Variants in MINDY3 observed in about 807,000 individuals in gnomAD.
MINDY3 encodes ubiquitin carboxyl-terminal hydrolase MINDY-3.
Under a neutral mutation model 69.2 loss-of-function variants are expected in MINDY3, and 38 were observed. The ratio of observed to expected loss-of-function variants is 0.55; its 90% CI spans 0.42 to 0.72. MINDY3 has a LOEUF of 0.72. Among genes scored for constraint, MINDY3 ranks in the 30% least tolerant of loss-of-function variants. The pLI is 0.00. For missense variants in MINDY3, 522 were observed against 519.0 expected, an observed-to-expected ratio of 1.01 and a Z score of -0.06; for synonymous variants, 192 against 180.1, an observed-to-expected ratio of 1.07 and a Z score of -0.53.
At chr10:15,814,753 C>T (rs965352520) in intron 10 of MINDY3, among the ~76,000 whole-genome samples, 14 of 152,040 alleles carry the variant, frequency 9.2e-5, no homozygotes, top group Non-Finnish European at 1.6e-4. Flanking sequence ...TTGACACATG[C>T]GACAGCACAA....
chr10:15,806,162 A>C (rs1838624808), intron 10 of MINDY3, among the ~76,000 whole-genome samples: 1 of 151,922 alleles, frequency 6.6e-6, no homozygotes, highest in Non-Finnish European at 1.5e-5. Flanking sequence ...TTAAAACCTA[A>C]TATTCTGGCT....
At chr10:15,782,261 T>TGCCTG (rs1205866471) in intron 13 of MINDY3, 35 bp from the exon 14 acceptor site, 1 of 1,362,718 alleles carries the variant, frequency 7.3e-7, no homozygotes, top group African/African-American at 1.5e-5. Flanking sequence ...CACTTTAAAT[T>TGCCTG]ATATTTATAT....
chr10:15,816,835 C>G lies in MINDY3; in HGVS notation c.882G>C (p.Lys294Asn), dbSNP rs925603199. ...AAAAAAAATCCTGCTATAAGCATAC[C>G]TTGGCAAAAAATACGGTGAGGTGAG... ...SETHLTVFFA[K>N]DMALVAPEAP... The change falls in exon 10 of 15, where the codon AAG becomes AAC. Residue 294 changes from lysine to asparagine, a missense_variant and splice_region_variant. Coordinates refer to ENST00000277632, the MANE Select transcript of MINDY3 (RefSeq NM_024948.4). The G allele has an allele frequency of 1.2e-6, 2 of 1,610,558 alleles. No homozygotes were observed. Among genetic ancestry groups the G allele is most frequent in the Non-Finnish European group, 1.7e-6 (2 of 1,177,712 alleles).
chr10:15,813,197 G>C (rs915521849), intron 10 of MINDY3, among the ~76,000 whole-genome samples: 5 of 152,092 alleles, frequency 3.3e-5, no homozygotes, highest in Non-Finnish European at 5.9e-5. Context: ...GTATCAAAGA[G>C]TAACATGGCC....
intron 1 of MINDY3, among the ~76,000 whole-genome samples, chr10:15,857,596 AT>A (rs144984572): frequency 0.029 from 4,461 of 152,188 alleles, 211 homozygotes; most frequent in African/African-American, 0.1. Flanking sequence ...AGAAGAATAA[AT>A]TTTCACGTTA....
At chr10:15,824,203 T>C (rs1159219201) in intron 8 of MINDY3, among the ~76,000 whole-genome samples, 1 of 152,180 alleles carries the variant, frequency 6.6e-6, no homozygotes, top group East Asian at 1.9e-4. Flanking sequence ...GAAATCTCCA[T>C]ACTGTTTTCC....
chr10:15,779,416 G>GA (rs1332315248), intron 14 of MINDY3, among the ~76,000 whole-genome samples: 4 of 151,752 alleles, frequency 2.6e-5, no homozygotes, highest in Admixed American at 6.6e-5. Context: ...TTGTTTCTAA[G>GA]AAAAAAAACA....
In MINDY3 at chr10:15,843,233, A is replaced by C. The variant is rs147889622; in HGVS notation, c.214T>G (p.Ser72Ala). 1.2e-6 allele frequency: 2 copies of C among 1,612,958 alleles called. No homozygotes were observed. The highest frequency in any genetic ancestry group is 2.7e-5 in the African/African-American group (2 of 74,916). Reference sequence around the variant, plus strand: ...ATACCTGAACAATCCCGCCAAGAAGACTTCTCCGAAGAAAACAGGAGCTTC... The same window carrying C: ...ATACCTGAACAATCCCGCCAAGAAGCCTTCTCCGAAGAAAACAGGAGCTTC... ...LKKLLFSSEK[S>A]SWRDCSEEEQ... is the part of the protein sequence containing the mutation. Residue 72 changes from serine (S) to alanine (A), a missense_variant, in exon 3 of 15, where the codon TCT becomes GCT. Coordinates refer to ENST00000277632, the MANE Select transcript of MINDY3 (RefSeq NM_024948.4).
At chr10:15,856,735 G>A (rs1834718029) in intron 1 of MINDY3, among the ~76,000 whole-genome samples, 1 of 152,090 alleles carries the variant, frequency 6.6e-6, no homozygotes. Flanking sequence ...AATCAATATT[G>A]AAAAGAAAAT....
At chr10:15,784,600 C>G (rs1240848329) in intron 13 of MINDY3, among the ~76,000 whole-genome samples, 2 of 152,068 alleles carry the variant, frequency 1.3e-5, no homozygotes, top group African/African-American at 4.8e-5. Context: ...CAAAAATTAG[C>G]CAGGCCACCA....
At chr10:15,856,493 CA>C (rs1834700796) in intron 1 of MINDY3, among the ~76,000 whole-genome samples, 1 of 150,750 alleles carries the variant, frequency 6.6e-6, no homozygotes, top group Non-Finnish European at 1.5e-5. Context: ...TTAGGAGAAA[CA>C]ATAAAATAAC....
chr10:15,800,955 C>G (rs372932934), intron 10 of MINDY3, among the ~76,000 whole-genome samples: 1 of 152,044 alleles, frequency 6.6e-6, no homozygotes, highest in African/African-American at 2.4e-5. Flanking sequence ...TAAAGCAAAA[C>G]AAAAGTAAAG....
At chr10:15,793,781 G>A (rs1241563682) in intron 11 of MINDY3, among the ~76,000 whole-genome samples, 1 of 152,052 alleles carries the variant, frequency 6.6e-6, no homozygotes, top group Non-Finnish European at 1.5e-5. Flanking sequence ...TAGGTTTGTG[G>A]CAAGGTTTTA....
chr10:15,786,678 T>A (rs777757716), intron 12 of MINDY3, 30 bp from the exon 13 acceptor site: 2 of 1,281,352 alleles, frequency 1.6e-6, no homozygotes, highest in South Asian at 2.5e-5. Context: ...AAACAGTGGA[T>A]ACCAGAGGAA....
intron 1 of MINDY3, among the ~76,000 whole-genome samples, chr10:15,851,658 T>C (rs1341926336): frequency 6.6e-6 from 1 of 152,052 alleles, no homozygotes; most frequent in Non-Finnish European, 1.5e-5. Context: ...ACCGCTATAA[T>C]CTTTGACCTT....
intron 8 of MINDY3, among the ~76,000 whole-genome samples, chr10:15,830,791 G>C (rs1840402614): frequency 6.6e-6 from 1 of 152,182 alleles, no homozygotes; most frequent in Non-Finnish European, 1.5e-5. Context: ...AAATGACACA[G>C]ATTTCAGATC....
intron 12 of MINDY3, among the ~76,000 whole-genome samples, chr10:15,788,635 T>A (rs75014911): frequency 0.014 from 2,124 of 152,232 alleles, 52 homozygotes; most frequent in African/African-American, 0.047. Context: ...GAAGAGTTAT[T>A]TTTTCATGGA....
chr10:15,858,312 T>C (rs1411111405), intron 1 of MINDY3, among the ~76,000 whole-genome samples: 1 of 152,186 alleles, frequency 6.6e-6, no homozygotes, highest in Non-Finnish European at 1.5e-5. Flanking sequence ...TGTTAAAGAA[T>C]TTCTGCATGA....
chr10:15,822,390 C>T (rs1839827342), intron 8 of MINDY3, among the ~76,000 whole-genome samples: 1 of 152,078 alleles, frequency 6.6e-6, no homozygotes, highest in Non-Finnish European at 1.5e-5. Context: ...TTAGGGAAGG[C>T]TTATAAAAGT....
Sources: gnomAD v4.1 joint callset for allele counts (sites outside exome capture counted in the v4.1 genomes callset) on GRCh38, gnomAD v4.1.1 for gene constraint, MANE v1.5 for transcripts, NCBI Gene and HGNC (gene_info 2026-07-23, HGNC 2026-07-21) for gene names.